ZNF697: variants seen among roughly 807,000 people sequenced by gnomAD.
The protein encoded by ZNF697 is zinc finger protein 697.
Under a neutral mutation model 32.4 loss-of-function variants are expected in ZNF697, and 23 were observed. The observed-to-expected ratio is 0.71, with a 90% CI of 0.51 to 1.01. The LOEUF (loss-of-function observed/expected upper bound fraction) is 1.01, where lower values mean the gene tolerates loss of function less well. Among genes scored for constraint, ZNF697 ranks in the 50% least tolerant of loss-of-function variants. ZNF697 has a pLI of 0.00. For missense variants in ZNF697, 930 were observed against 794.0 expected (o/e 1.17, Z -2.06); for synonymous variants, 418 against 337.2 (o/e 1.24, Z -2.62).
chr1:119,621,936 G>C lies in ZNF697; in HGVS notation c.*769C>G, dbSNP rs947331488. ...CACACCTGGGATGGGCGAGGGCGGG[G>C]GAGGGGGGTCATCCAGGTAAACCAC... On this transcript the variant is annotated 3_prime_UTR_variant, in exon 3 of 3. Coordinates refer to ENST00000421812, the MANE Select transcript of ZNF697 (RefSeq NM_001080470.2). 1 of 152,354 alleles carries C rather than the reference G, an allele frequency of 6.6e-6. No individual in the cohort carries two copies. The highest frequency in any genetic ancestry group is 1.5e-5 in the Non-Finnish European group (1 of 68,048). 9.4% of individuals were successfully genotyped at this position (152,354 alleles called of 1,614,324 possible).
chr1:119,623,380 C>G lies in ZNF697; in HGVS notation c.963G>C (p.Glu321Asp). ...HTGEKPYPCP[E>D]CGEAFSLSSH... The stretch of plus-strand genomic sequence containing the variant: ...AGCTGAGGCTGAAGGCCTCGCCGCA[C>G]TCGGGGCACGGGTAGGGCTTCTCGC... The change falls in exon 3 of 3, where the codon GAG (glutamate) becomes GAC (aspartate). Residue 321 changes from glutamate to aspartate, a missense_variant. Glu to Asp is a conservative substitution (Grantham distance 45, BLOSUM62 2). Coordinates refer to ENST00000421812, the MANE Select transcript of ZNF697 (RefSeq NM_001080470.2). 5 of 1,485,036 alleles carry G rather than the reference C, an allele frequency of 3.4e-6. No individual in the cohort carries two copies. The highest frequency in any genetic ancestry group is 1.3e-5 in the South Asian group (1 of 78,432). 92.0% of individuals were successfully genotyped at this position (1,485,036 alleles called of 1,614,324 possible). A position where few individuals can be genotyped will look rare whatever the true frequency, so the allele number is the denominator to read the frequency against.
chr1:119,628,955 G>A (rs1045541330), intron 1 of ZNF697, among the ~76,000 whole-genome samples: 1 of 152,162 alleles, frequency 6.6e-6, no homozygotes, highest in Non-Finnish European at 1.5e-5. Context: ...TCACTTTGGG[G>A]GCTTTGCAGC....
intron 1 of ZNF697, among the ~76,000 whole-genome samples, chr1:119,628,937 C>T (rs1303880729): frequency 2.0e-5 from 3 of 152,232 alleles, no homozygotes; most frequent in African/African-American, 7.2e-5. Flanking sequence ...AAATACTAAA[C>T]TTCTCAGTCA....
At chr1:119,645,523 T>C (rs1029541375) in intron 1 of ZNF697, among the ~76,000 whole-genome samples, 1 of 152,198 alleles carries the variant, frequency 6.6e-6, no homozygotes, top group Non-Finnish European at 1.5e-5. Flanking sequence ...GGTACAGGGA[T>C]GTCCAGCAAG....
intron 1 of ZNF697, among the ~76,000 whole-genome samples, chr1:119,632,695 C>A (rs1648811867): frequency 6.6e-6 from 1 of 152,176 alleles, no homozygotes; most frequent in South Asian, 2.1e-4. Flanking sequence ...GCCAATCCTC[C>A]ACCACCACCC....
At chr1:119,631,924 A>T (rs587683051) in intron 1 of ZNF697, among the ~76,000 whole-genome samples, 2 of 152,306 alleles carry the variant, frequency 1.3e-5, no homozygotes, top group African/African-American at 4.8e-5. Context: ...GCGCTTCCAT[A>T]GCAGAGTCCA....
At chr1:119,643,195 CATAGCA>C (rs1649122862) in intron 1 of ZNF697, among the ~76,000 whole-genome samples, 1 of 152,170 alleles carries the variant, frequency 6.6e-6, no homozygotes, top group Non-Finnish European at 1.5e-5. Flanking sequence ...TTTAACTACC[CATAGCA>C]AATTTAGCCT....
At chr1:119,637,073 A>T (rs587610113) in intron 1 of ZNF697, among the ~76,000 whole-genome samples, 1 of 152,352 alleles carries the variant, frequency 6.6e-6, no homozygotes, top group African/African-American at 2.4e-5. Flanking sequence ...TTTGTTATTT[A>T]ATCCTTCTCC....
At chr1:119,624,163 C>G (rs1463979795) in intron 2 of ZNF697, 47 bp from the exon 3 acceptor site, 29 of 1,512,106 alleles carry the variant, frequency 1.9e-5, no homozygotes, top group Non-Finnish European at 2.5e-5. Context: ...ACTTGGCATT[C>G]AAAAGATAAG....
rs587615287 is a variant in ZNF697, at chr1:119,648,147, C to A, written c.-494G>T. Among the ~76,000 whole-genome samples, 44 of 151,938 alleles carry A rather than the reference C, an allele frequency of 2.9e-4. No homozygotes were observed. The highest frequency in any genetic ancestry group is 1.0e-3 in the African/African-American group (43 of 41,466). The stretch of plus-strand genomic sequence containing the variant: ...GAGCCCCGCACCGCAGCGCGTCTGC[C>A]CTTGTGCGGCGGCGGCGGCTGCAGC... On this transcript the variant is annotated 5_prime_UTR_variant, in exon 1 of 3. Transcript: ENST00000421812.
At chr1:119,626,216 C>T (rs1280471431) in intron 1 of ZNF697, 79 bp from the exon 2 acceptor site, 1 of 1,505,058 alleles carries the variant, frequency 6.6e-7, no homozygotes, top group Non-Finnish European at 8.8e-7. Flanking sequence ...ATTTCCAATT[C>T]TAATAAAATG....
At chr1:119,643,361 T>C (rs1171543705) in intron 1 of ZNF697, among the ~76,000 whole-genome samples, 2 of 152,180 alleles carry the variant, frequency 1.3e-5, no homozygotes, top group Non-Finnish European at 2.9e-5. Flanking sequence ...ACATGACTAA[T>C]GTGCTTCTAA....
chr1:119,626,214 T>C, intron 1 of ZNF697, 77 bp from the exon 2 acceptor site: 1 of 1,509,974 alleles, frequency 6.6e-7, no homozygotes, highest in Non-Finnish European at 8.8e-7. Context: ...TAATTTCCAA[T>C]TCTAATAAAA....
At chr1:119,635,584 A>G (rs988594947) in intron 1 of ZNF697, among the ~76,000 whole-genome samples, 1 of 152,198 alleles carries the variant, frequency 6.6e-6, no homozygotes, top group African/African-American at 2.4e-5. Flanking sequence ...TGACAATTCT[A>G]TTAGGGGAAT....
intron 1 of ZNF697, among the ~76,000 whole-genome samples, chr1:119,627,148 G>A (rs1181411791): frequency 2.6e-5 from 4 of 152,190 alleles, no homozygotes; most frequent in Non-Finnish European, 5.9e-5. Context: ...TTTCTAGGTC[G>A]AGGATCTTGG....
chr1:119,639,176 T>C (rs934214604), intron 1 of ZNF697, among the ~76,000 whole-genome samples: 10 of 152,222 alleles, frequency 6.6e-5, no homozygotes, highest in Admixed American at 2.6e-4. Context: ...CTCAAAACCA[T>C]GGACTCAACT....
At chr1:119,636,308 G>A (rs1430197227) in intron 1 of ZNF697, among the ~76,000 whole-genome samples, 1 of 152,166 alleles carries the variant, frequency 6.6e-6, no homozygotes, top group African/African-American at 2.4e-5. Context: ...CTGATGAGAA[G>A]GCCCATAGCT....
chr1:119,623,965 C>T lies in ZNF697; in HGVS notation c.378G>A (p.Glu126=). Residue 126 remains glutamate (E), a synonymous_variant, in exon 3 of 3, where the codon GAG becomes GAA. Coordinates refer to ENST00000421812, the MANE Select transcript of ZNF697 (RefSeq NM_001080470.2). Reference sequence around the variant, plus strand: ...GCTCCTCTTCCTCCTCCAGCCGGTTCTCCCCAGCACTCTCGTCGTCGTCCT... The same window carrying T: ...GCTCCTCTTCCTCCTCCAGCCGGTTTTCCCCAGCACTCTCGTCGTCGTCCT... The part of the protein sequence containing the change: ...LREDDDESAG[E]NRLEEEEEQP... 6.2e-7 allele frequency: 1 copy of T among 1,607,098 alleles called. No homozygotes were observed. Among genetic ancestry groups the T allele is most frequent in the East Asian group, 2.2e-5 (1 of 44,558 alleles).
At chr1:119,628,176 ATAAAAC>A (rs926804407) in intron 1 of ZNF697, among the ~76,000 whole-genome samples, 12 of 152,188 alleles carry the variant, frequency 7.9e-5, no homozygotes, top group African/African-American at 2.9e-4. Flanking sequence ...TCAGAATCTC[ATAAAAC>A]TAAAATAGCA....
Sources: allele counts gnomAD v4.1 joint callset (sites outside exome capture counted in the v4.1 genomes callset), GRCh38; gene constraint gnomAD v4.1.1; transcripts MANE v1.5; gene names NCBI Gene and HGNC (gene_info 2026-07-23, HGNC 2026-07-21).